The following KIF5A variants were observed in gnomAD, a reference collection of about 807,000 sequenced individuals.
The protein encoded by KIF5A is kinesin heavy chain isoform 5A.
KIF5A carries 35 observed loss-of-function variants against 141.3 expected under a neutral mutation model. The ratio of observed to expected loss-of-function variants is 0.25; its 90% CI spans 0.19 to 0.33. The LOEUF is 0.33. KIF5A is among the 10% of genes least tolerant of loss of function. KIF5A has a pLI of 1.00. For synonymous variants in KIF5A, 448 were observed against 500.2 expected, an observed-to-expected ratio of 0.90 and a Z score of 1.39; for missense variants, 861 against 1,314.3, an observed-to-expected ratio of 0.66 and a Z score of 5.33.
intron 12 of KIF5A, 72 bp from the exon 13 acceptor site, chr12:57,571,249 C>A: frequency 1.1e-6 from 1 of 916,052 alleles, no homozygotes; most frequent in Non-Finnish European, 1.8e-6. Context: ...CTGCCTCTAC[C>A]CCCAAACTTC....
At position 57,572,495 on chromosome 12, in the gene KIF5A, CT is replaced by C; in HGVS notation, c.1570-83del. The C allele has an allele frequency of 1.9e-6, 3 of 1,568,746 alleles. No individual in the cohort carries two copies. The highest frequency in any genetic ancestry group is 8.7e-7 in the Non-Finnish European group (1 of 1,144,882). On this transcript the variant is annotated intron_variant, in intron 14 of 28. Coordinates refer to ENST00000455537, the MANE Select transcript of KIF5A (RefSeq NM_004984.4). This position sits in a 1 kb window ranked among gnomAD's most constrained non-coding sequence, Gnocchi z 4.2. ...TTCTCTTCATAGCAGCCCTCAGGGTCTTGCATGAAGGGAGAGGCCTCTGCCT... is the reference window on the plus strand; with the variant it reads ...TTCTCTTCATAGCAGCCCTCAGGGTCTGCATGAAGGGAGAGGCCTCTGCCT...
rs2140169321 is a variant in KIF5A at position 57,577,787 on chromosome 12, T to C, written c.2361+14T>C. On this transcript the variant is annotated intron_variant, in intron 21 of 28. Transcript: ENST00000455537. The stretch of plus-strand genomic sequence containing the variant: ...GAGGAGACAGTTGTGAGTGGTTCCC[T>C]TCTGTGCCAAATTCACAGGACTGGG... The C allele has an allele frequency of 2.5e-6, 4 of 1,608,432 alleles. No individual in the cohort carries two copies. The highest frequency in any genetic ancestry group is 3.4e-6 in the Non-Finnish European group (4 of 1,174,854).
chr12:57,563,761 G>A, intron 3 of KIF5A, 68 bp downstream of exon 3: 2 of 1,414,476 alleles, frequency 1.4e-6, no homozygotes, highest in Non-Finnish European at 2.0e-6. Flanking sequence ...ATCTCAGTGG[G>A]GGAAGGTCTA....
chr12:57,580,717 T>C (rs967585404), intron 23 of KIF5A, among the ~76,000 whole-genome samples: 4 of 152,196 alleles, frequency 2.6e-5, no homozygotes, highest in South Asian at 2.1e-4. Context: ...TAGAAAATTA[T>C]ATAACTTTTA....
At chr12:57,567,253 C>A in intron 7 of KIF5A, 40 bp downstream of exon 7, 1 of 1,512,006 alleles carries the variant, frequency 6.6e-7, no homozygotes, top group South Asian at 1.1e-5. Flanking sequence ...GTCTGAGGAT[C>A]CACTTGTGTT....
chr12:57,560,423 G>A (rs141846659), intron 1 of KIF5A, among the ~76,000 whole-genome samples: 19 of 152,050 alleles, frequency 1.2e-4, no homozygotes, highest in African/African-American at 3.9e-4. Context: ...AAAATTTAAG[G>A]CTTTTGATTA....
At chr12:57,562,506 G>A (rs1418223418) in intron 1 of KIF5A, among the ~76,000 whole-genome samples, 1 of 152,182 alleles carries the variant, frequency 6.6e-6, no homozygotes, top group African/African-American at 2.4e-5. Context: ...TTGAGCCACC[G>A]TGCCCGACCC....
chr12:57,571,987 G>T (rs1882268681), intron 13 of KIF5A, 74 bp from the exon 14 acceptor site: 5 of 1,335,672 alleles, frequency 3.7e-6, no homozygotes, highest in Admixed American at 3.8e-5. Context: ...TGGGGGCTCA[G>T]CTTCCCAGAC....
At chr12:57,583,038 A>G in intron 27 of KIF5A, 63 bp from the exon 28 acceptor site, 4 of 1,314,814 alleles carry the variant, frequency 3.0e-6, no homozygotes, top group South Asian at 2.5e-5. Context: ...AGAGCAGAGT[A>G]ACCATGATGA....
intron 10 of KIF5A, 25 bp from the exon 11 acceptor site, chr12:57,569,510 C>T: frequency 1.2e-6 from 2 of 1,614,102 alleles, no homozygotes; most frequent in Non-Finnish European, 1.7e-6. Context: ...GCTCTCATTT[C>T]TTTGTTCCTC....
rs928317259 is a variant in KIF5A at position 57,578,436 on chromosome 12, T to C, written c.2538+94T>C. The C allele has an allele frequency of 2.3e-4, 194 of 831,852 alleles. 1 individual carries two copies. The highest frequency in any genetic ancestry group is 3.2e-4 in the Non-Finnish European group (153 of 481,156). 51.5% of individuals were successfully genotyped at this position (831,852 alleles called of 1,614,324 possible). A position where few individuals can be genotyped will look rare whatever the true frequency, so the allele number is the denominator to read the frequency against. ...GCCCCTTGGATTCAGGAAAATCTAG[T>C]TGCATGTTTTCCTTACTGTTCGCTT... On this transcript the variant is annotated intron_variant, in intron 23 of 28. Transcript: ENST00000455537.
intron 1 of KIF5A, among the ~76,000 whole-genome samples, chr12:57,558,175 C>T (rs758183193): frequency 2.6e-5 from 4 of 152,020 alleles, no homozygotes; most frequent in South Asian, 2.1e-4. Flanking sequence ...GAGGCCGAGG[C>T]GGGAGGATCA....
chr12:57,576,306 C>T lies in KIF5A; in HGVS notation c.2126C>T (p.Ala709Val), dbSNP rs368671947. The T allele has an allele frequency of 4.3e-6, 7 of 1,614,026 alleles. No individual in the cohort carries two copies. Among genetic ancestry groups the T allele is most frequent in the South Asian group, 1.1e-5 (1 of 91,070 alleles). ...LELQMESHRE[A>V]HHRQLARLRD... ...CTGCAGATGGAGAGTCACCGGGAGG[C>T]CCATCACCGGCAGCTGGCCCGGCTC... Residue 709 changes from alanine (A) to valine (V), a missense_variant, in exon 19 of 29, where the codon GCC becomes GTC. Coordinates refer to ENST00000455537, the MANE Select transcript of KIF5A (RefSeq NM_004984.4).
intron 8 of KIF5A, among the ~76,000 whole-genome samples, chr12:57,567,866 T>A (rs184195860): frequency 6.6e-6 from 1 of 150,898 alleles, no homozygotes; most frequent in East Asian, 1.9e-4. Flanking sequence ...TTCACTGTGT[T>A]GGCCAGGCTG....
At chr12:57,575,530 A>G in intron 16 of KIF5A, 110 bp from the exon 17 acceptor site, 1 of 993,008 alleles carries the variant, frequency 1.0e-6, no homozygotes, top group Non-Finnish European at 1.6e-6. Flanking sequence ...CCCTCATGGG[A>G]AGTGTAGCAG....
At chr12:57,563,903 T>G (rs1252114935) in intron 3 of KIF5A, among the ~76,000 whole-genome samples, 1 of 152,204 alleles carries the variant, frequency 6.6e-6, no homozygotes, top group Non-Finnish European at 1.5e-5. Context: ...TACTCCAGTC[T>G]TCTTTTGATC....
chr12:57,557,353 C>G (rs1881777513), intron 1 of KIF5A, among the ~76,000 whole-genome samples: 1 of 151,680 alleles, frequency 6.6e-6, no homozygotes, highest in Admixed American at 6.6e-5. Flanking sequence ...AGGTAGATTA[C>G]AATTTAAAAT....
intron 1 of KIF5A, among the ~76,000 whole-genome samples, chr12:57,555,384 G>A (rs915751982): frequency 6.6e-6 from 1 of 152,098 alleles, no homozygotes; most frequent in South Asian, 2.1e-4. Context: ...AAAAAAATCA[G>A]GCAAAATTAA....
intron 22 of KIF5A, 61 bp downstream of exon 22, chr12:57,578,141 C>T: frequency 3.2e-6 from 5 of 1,586,378 alleles, no homozygotes; most frequent in South Asian, 1.1e-5. Context: ...TTAGGTTTCT[C>T]CTGCCCCTGT....
Sources: allele counts gnomAD v4.1 joint callset (sites outside exome capture counted in the v4.1 genomes callset), GRCh38; gene constraint gnomAD v4.1.1; non-coding constraint Gnocchi (gnomAD v3.1); transcripts MANE v1.5; gene names NCBI Gene and HGNC (gene_info 2026-07-23, HGNC 2026-07-21).